Variants in DRAM1 observed in about 807,000 individuals in gnomAD.
The protein encoded by DRAM1 is DNA damage-regulated autophagy modulator protein 1.
In DRAM1, 25 loss-of-function variants were observed where a neutral mutation model predicts 28.5. That is an observed-to-expected ratio of 0.88 (90% CI 0.64 to 1.23). The LOEUF is 1.23. Ranked by LOEUF, DRAM1 falls within the 50% of genes most tolerant of loss-of-function variation. The pLI is 0.00. For missense variants in DRAM1, 249 were observed against 299.2 expected, an observed-to-expected ratio of 0.83 and a Z score of 1.24; for synonymous variants, 113 against 114.2, an observed-to-expected ratio of 0.99 and a Z score of 0.07.
intron 1 of DRAM1, among the ~76,000 whole-genome samples, chr12:101,881,252 T>A (rs375085166): frequency 4.7e-4 from 72 of 152,268 alleles, no homozygotes; most frequent in African/African-American, 1.6e-3. Context: ...TGCACTCCAG[T>A]CTGGGTGACT....
intron 1 of DRAM1, among the ~76,000 whole-genome samples, chr12:101,896,074 G>A (rs1392978965): frequency 2.0e-5 from 3 of 151,846 alleles, no homozygotes. Flanking sequence ...TTTTAGTAGA[G>A]ATGGGATTTC....
chr12:101,901,166 CA>C lies in DRAM1; in HGVS notation c.200-124del, dbSNP rs1873587474. Reference sequence around the variant, plus strand: ...GAGAGTAAGATGGAGTCAGGAGGGACAGGGGTGGGAAAGTGGGGAGACTTGC... The same window carrying C: ...GAGAGTAAGATGGAGTCAGGAGGGACGGGGTGGGAAAGTGGGGAGACTTGC... On this transcript the variant is annotated intron_variant, in intron 2 of 6. Coordinates refer to ENST00000258534, the MANE Select transcript of DRAM1 (RefSeq NM_018370.3). The C allele has an allele frequency of 1.4e-5, 13 of 897,260 alleles. No homozygotes were observed. The Admixed American group carries it at 2.3e-4, about 16-fold the overall frequency. 55.6% of individuals were successfully genotyped at this position (897,260 alleles called of 1,614,324 possible). A position where few individuals can be genotyped will look rare whatever the true frequency, so the allele number is the denominator to read the frequency against.
At chr12:101,914,356 G>A in intron 5 of DRAM1, 124 bp downstream of exon 5, 1 of 550,906 alleles carries the variant, frequency 1.8e-6, no homozygotes, top group South Asian at 3.6e-5. Flanking sequence ...AATAAACATG[G>A]CATGTAATCA....
chr12:101,910,073 A>T (rs1873982443), intron 4 of DRAM1, among the ~76,000 whole-genome samples: 1 of 152,244 alleles, frequency 6.6e-6, no homozygotes, highest in African/African-American at 2.4e-5. Context: ...AAACTACAAA[A>T]TGTGAAGTCT....
chr12:101,921,169 G>C (rs187106257), intron 6 of DRAM1, 47 bp from the exon 7 acceptor site: 2 of 1,333,278 alleles, frequency 1.5e-6, no homozygotes, highest in Non-Finnish European at 1.1e-6. Context: ...TCAACGCTGG[G>C]ATTGTTTAAC....
intron 1 of DRAM1, among the ~76,000 whole-genome samples, chr12:101,884,129 G>A (rs1872791000): frequency 1.3e-5 from 2 of 152,060 alleles, no homozygotes; most frequent in Admixed American, 6.6e-5. Flanking sequence ...CCTTATGCCT[G>A]TAATCCCAGC....
Position 101,909,167 on chromosome 12 carries a change from A to T in DRAM1, c.520+804A>T, listed in dbSNP as rs1336335085. ...TCCCAGCTACTTGGGAGGCTGAGGC[A>T]GGAGAATCGCTTGAACCCGGGAGAT... On this transcript the variant is annotated intron_variant, in intron 4 of 6. Transcript: ENST00000258534. Among the ~76,000 whole-genome samples, 12 of 151,800 alleles carry T rather than the reference A, an allele frequency of 7.9e-5. No homozygotes were observed. In the Admixed American group the frequency reaches 7.9e-4, roughly 10 times the overall value.
chr12:101,907,817 G>C (rs911654942), intron 3 of DRAM1, among the ~76,000 whole-genome samples: 1 of 152,170 alleles, frequency 6.6e-6, no homozygotes, highest in African/African-American at 2.4e-5. Flanking sequence ...GCAAGACTGA[G>C]ATGATTATGC....
chr12:101,905,781 A>T (rs184781676), intron 3 of DRAM1, among the ~76,000 whole-genome samples: 1,609 of 148,560 alleles, frequency 0.011, 15 homozygotes, highest in Non-Finnish European at 0.014. Context: ...TTATTTATTT[A>T]TTTATGTATT....
chr12:101,920,606 A>G (rs541141981), intron 6 of DRAM1, among the ~76,000 whole-genome samples: 1 of 152,210 alleles, frequency 6.6e-6, no homozygotes, highest in Non-Finnish European at 1.5e-5. Context: ...CAAAGTAAAT[A>G]TATCTTTTTT....
At position 101,877,997 on chromosome 12, in the gene DRAM1, G is replaced by A; in HGVS notation, c.131+77G>A. The A allele has an allele frequency of 7.3e-7, 1 of 1,364,378 alleles. No homozygotes were observed. The highest frequency in any genetic ancestry group is 3.1e-5 in the East Asian group (1 of 32,666). The allele number at this position is 1,364,378 out of a possible 1,614,324, so 84.5% of individuals were successfully genotyped here. On this transcript the variant is annotated intron_variant, in intron 1 of 6. Transcript: ENST00000258534. The surrounding 1 kb of genome is among the most constrained non-coding windows in gnomAD (Gnocchi z 4.1). ...GGGAGCGCTGCCGACGGGGAGGGAAGGCGTCCGGACCCAGCTTGGGGCGTC... is the reference window on the plus strand; with the variant it reads ...GGGAGCGCTGCCGACGGGGAGGGAAAGCGTCCGGACCCAGCTTGGGGCGTC...
intron 6 of DRAM1, 115 bp from the exon 7 acceptor site, chr12:101,921,101 G>C: frequency 1.2e-6 from 1 of 809,176 alleles, no homozygotes; most frequent in South Asian, 1.4e-5. Context: ...CTCAAGCATA[G>C]CACAAACCAT....
chr12:101,904,670 T>C (rs941028656), intron 3 of DRAM1, among the ~76,000 whole-genome samples: 1 of 151,912 alleles, frequency 6.6e-6, no homozygotes, highest in Non-Finnish European at 1.5e-5. Flanking sequence ...CTTGATCTCC[T>C]GACCTCGTGA....
chr12:101,913,705 CAAAAAAAAAAAAAA>C (rs60536139), intron 4 of DRAM1, among the ~76,000 whole-genome samples: 2 of 50,184 alleles, frequency 4.0e-5, no homozygotes, highest in East Asian at 5.2e-4. Context: ...GAGTACGTCT[CAAAAAAAAAAAAAA>C]AAAAAAAAAG....
chr12:101,887,148 A>AAAG (rs1872914693), intron 1 of DRAM1, among the ~76,000 whole-genome samples: 1 of 151,886 alleles, frequency 6.6e-6, no homozygotes, highest in Non-Finnish European at 1.5e-5. Context: ...TCCGTTTCAA[A>AAAG]AAAAAAAAAA....
chr12:101,895,190 T>TTTTTTTTTTTGTTTTTTTTG, intron 1 of DRAM1, among the ~76,000 whole-genome samples: 3 of 75,896 alleles, frequency 4.0e-5, no homozygotes, highest in African/African-American at 8.6e-5. Context: ...CTTCAGGTTT[T>TTTTTTTTTTTGTTTTTTTTG]TTTTTTTTTT....
At chr12:101,911,213 T>A (rs1052395241) in intron 4 of DRAM1, among the ~76,000 whole-genome samples, 3 of 152,146 alleles carry the variant, frequency 2.0e-5, no homozygotes, top group Non-Finnish European at 2.9e-5. Context: ...CCAGCCCAGA[T>A]GACAGAGTGA....
intron 3 of DRAM1, among the ~76,000 whole-genome samples, chr12:101,906,364 C>A (rs1421722577): frequency 6.6e-6 from 1 of 151,736 alleles, no homozygotes; most frequent in Non-Finnish European, 1.5e-5. Flanking sequence ...TGGGGAAGCC[C>A]AGGTCAGAGG....
chr12:101,901,143 G>T, intron 2 of DRAM1, 148 bp from the exon 3 acceptor site: 1 of 673,546 alleles, frequency 1.5e-6, no homozygotes, highest in South Asian at 1.9e-5. Context: ...GCTGGGGAGA[G>T]AGTAAGATGG....
Sources: gnomAD v4.1 joint callset for allele counts (sites outside exome capture counted in the v4.1 genomes callset) on GRCh38, gnomAD v4.1.1 for gene constraint, Gnocchi (gnomAD v3.1) non-coding constraint, MANE v1.5 for transcripts, NCBI Gene and HGNC (gene_info 2026-07-23, HGNC 2026-07-21) for gene names.